The following OPCML variants were observed in gnomAD, a reference collection of about 807,000 sequenced individuals.
OPCML encodes opioid binding protein/cell adhesion molecule like.
In OPCML, 13 loss-of-function variants were observed where a neutral mutation model predicts 37.8. The observed-to-expected ratio is 0.34, with a 90% CI of 0.22 to 0.55. The LOEUF is 0.55. Among genes scored for constraint, OPCML ranks in the 20% least tolerant of loss-of-function variants. The pLI is 0.91. For synonymous variants in OPCML, 176 were observed against 168.8 expected (o/e 1.04, Z -0.33); for missense variants, 341 against 435.6 (o/e 0.78, Z 1.93).
rs908104149 is a variant in OPCML at position 133,374,856 on chromosome 11, C to A, written c.61+157408G>T. Among the ~76,000 whole-genome samples the A allele has an allele frequency of 3.3e-5, 5 of 152,326 alleles. No individual in the cohort carries two copies. In the South Asian group the frequency reaches 1.0e-3, roughly 32 times the overall value. ...CTTTCTCCCACTGCCCACTTCCATG[C>A]AGCCAAGGTACCATATGCACATTGG... On this transcript the variant is annotated intron_variant, in intron 1 of 7. Coordinates refer to ENST00000524381, the MANE Select transcript of OPCML (RefSeq NM_001012393.5).
chr11:133,488,961 A>G (rs1386520086), intron 1 of OPCML, among the ~76,000 whole-genome samples: 3 of 137,746 alleles, frequency 2.2e-5, no homozygotes, highest in African/African-American at 8.2e-5. Flanking sequence ...GACAGGATCA[A>G]CAAAAATGTG....
intron 1 of OPCML, among the ~76,000 whole-genome samples, chr11:133,239,069 G>T (rs1189002131): frequency 1.3e-5 from 2 of 152,212 alleles, no homozygotes; most frequent in Non-Finnish European, 2.9e-5. Context: ...CCAGGTCTTC[G>T]TCAAAGTCAA....
intron 2 of OPCML, among the ~76,000 whole-genome samples, chr11:132,658,142 A>G (rs1941794343): frequency 6.6e-6 from 1 of 152,220 alleles, no homozygotes; most frequent in Non-Finnish European, 1.5e-5. Context: ...ACGTCTGCGC[A>G]TGTGCCCAGG....
chr11:132,521,436 T>C (rs76943254), intron 4 of OPCML, among the ~76,000 whole-genome samples: 2 of 152,112 alleles, frequency 1.3e-5, no homozygotes, highest in South Asian at 4.1e-4. Context: ...GGTGTTTTAG[T>C]ACACCACAGA....
Position 132,943,208 on chromosome 11 carries a change from A to C in OPCML, c.62-198T>G. 2 of 1,500,472 alleles carry C rather than the reference A, an allele frequency of 1.3e-6. No individual in the cohort carries two copies. The highest frequency in any genetic ancestry group is 1.8e-6 in the Non-Finnish European group (2 of 1,100,752). 92.9% of individuals were successfully genotyped at this position (1,500,472 alleles called of 1,614,324 possible). ...GAGGAGGGAAGGGGCAGAGTTCGCCAGGAGCAGGGGGAAGGAGAAGAGAGG... is the reference window on the plus strand; with the variant it reads ...GAGGAGGGAAGGGGCAGAGTTCGCCCGGAGCAGGGGGAAGGAGAAGAGAGG... On this transcript the variant is annotated intron_variant, in intron 1 of 7. Transcript: ENST00000524381. This position sits in a 1 kb window ranked among gnomAD's most constrained non-coding sequence, Gnocchi z 4.3.
At chr11:133,363,350 C>T (rs922116253) in intron 1 of OPCML, among the ~76,000 whole-genome samples, 1 of 152,174 alleles carries the variant, frequency 6.6e-6, no homozygotes, top group African/African-American at 2.4e-5. Flanking sequence ...GTGGGGCGCA[C>T]TAGATGGCAT....
chr11:132,769,464 A>G (rs981576423), intron 2 of OPCML, among the ~76,000 whole-genome samples: 12 of 152,070 alleles, frequency 7.9e-5, no homozygotes, highest in African/African-American at 2.9e-4. Flanking sequence ...ACACTCACTC[A>G]ACAAGACAAA....
intron 4 of OPCML, among the ~76,000 whole-genome samples, chr11:132,462,532 G>A (rs1024743866): frequency 1.3e-5 from 2 of 152,196 alleles, no homozygotes; most frequent in Non-Finnish European, 2.9e-5. Context: ...CATTGGAAAA[G>A]AGATGATGAT....
intron 4 of OPCML, among the ~76,000 whole-genome samples, chr11:132,491,227 A>C (rs878944205): frequency 6.6e-6 from 1 of 152,184 alleles, no homozygotes; most frequent in Non-Finnish European, 1.5e-5. Context: ...CATTCTTTTA[A>C]AGAGTGAGTC....
intron 1 of OPCML, among the ~76,000 whole-genome samples, chr11:133,468,300 G>A (rs1317124896): frequency 2.0e-5 from 3 of 152,306 alleles, no homozygotes; most frequent in East Asian, 1.9e-4. Flanking sequence ...GTGCTCAAAC[G>A]TGGCTCTTTT....
chr11:132,891,925 C>T (rs1204216604), intron 2 of OPCML, among the ~76,000 whole-genome samples: 1 of 151,984 alleles, frequency 6.6e-6, no homozygotes, highest in Non-Finnish European at 1.5e-5. Flanking sequence ...ATTGTGTACC[C>T]TCCTGTCTGA....
At chr11:132,812,392 G>A (rs74337271) in intron 2 of OPCML, among the ~76,000 whole-genome samples, 4,620 of 150,456 alleles carry the variant, frequency 0.031, 168 homozygotes, top group African/African-American at 0.083. Context: ...ACCCTACAGA[G>A]GAAGAAAATT....
chr11:133,419,759 TA>T (rs1388993523), intron 1 of OPCML, among the ~76,000 whole-genome samples: 2 of 152,214 alleles, frequency 1.3e-5, no homozygotes, highest in Non-Finnish European at 2.9e-5. Flanking sequence ...TTAATAATAA[TA>T]GAGATTAAAC....
intron 2 of OPCML, among the ~76,000 whole-genome samples, chr11:132,924,984 T>C (rs1047815039): frequency 3.9e-5 from 6 of 152,220 alleles, no homozygotes; most frequent in African/African-American, 1.4e-4. Flanking sequence ...TGCTTTTCAG[T>C]TTCAAAGGTT....
chr11:133,186,899 G>C (rs1168497203), intron 1 of OPCML, among the ~76,000 whole-genome samples: 1 of 152,074 alleles, frequency 6.6e-6, no homozygotes, highest in Non-Finnish European at 1.5e-5. Flanking sequence ...TGGTTCTCAG[G>C]GTAGGCCTCA....
At position 133,510,885 on chromosome 11, in the gene OPCML, A is replaced by G. The variant is rs557859596; in HGVS notation, c.61+21379T>C. On this transcript the variant is annotated intron_variant, in intron 1 of 7. Transcript: ENST00000524381. Reference sequence around the variant, plus strand: ...TACATGTCATTGATATGCCAGCCACATACACACACACACACACGCACACAC... The same window carrying G: ...TACATGTCATTGATATGCCAGCCACGTACACACACACACACACGCACACAC... 2.9e-4 allele frequency among the ~76,000 whole-genome samples: 43 copies of G among 147,868 alleles called. No homozygotes were observed. The South Asian group carries it at 8.9e-3, about 31-fold the overall frequency.
intron 2 of OPCML, among the ~76,000 whole-genome samples, chr11:132,903,439 C>T (rs1234909419): frequency 6.6e-6 from 1 of 152,124 alleles, no homozygotes; most frequent in Non-Finnish European, 1.5e-5. Flanking sequence ...TTCTAAGCTC[C>T]CCAACTTTCT....
chr11:132,657,384 T>C, intron 2 of OPCML, 65 bp from the exon 3 acceptor site: 2 of 1,557,088 alleles, frequency 1.3e-6, no homozygotes, highest in Non-Finnish European at 1.7e-6. Flanking sequence ...AGAGATTATA[T>C]AATATGGTAA....
chr11:132,573,841 GT>G lies in OPCML; in HGVS notation c.380-44656del, dbSNP rs368155482. ...TTTCCATGTTTGGTAGAATTTACCT[GT>G]GAAGCCATCTGGACCTGGGCTTTTC... is the stretch of plus-strand genomic sequence containing the variant. On this transcript the variant is annotated intron_variant, in intron 3 of 7. Transcript: ENST00000524381. Among the ~76,000 whole-genome samples the G allele has an allele frequency of 9.2e-5, 14 of 152,110 alleles. No individual in the cohort carries two copies. The East Asian group carries it at 2.7e-3, about 29-fold the overall frequency.
Sources: gnomAD v4.1 joint callset for allele counts (sites outside exome capture counted in the v4.1 genomes callset) on GRCh38, gnomAD v4.1.1 for gene constraint, Gnocchi (gnomAD v3.1) non-coding constraint, MANE v1.5 for transcripts, NCBI Gene and HGNC (gene_info 2026-07-23, HGNC 2026-07-21) for gene names.